SIAH3: variants seen among roughly 807,000 people sequenced by gnomAD.
SIAH3 encodes the protein siah E3 ubiquitin protein ligase family member 3.
SIAH3 carries 9 observed loss-of-function variants against 12.6 expected under a neutral mutation model. That is an observed-to-expected ratio of 0.72 (90% CI 0.43 to 1.25). SIAH3 has a LOEUF of 1.25. SIAH3 is among the 50% of genes most tolerant of loss of function. SIAH3 has a pLI of 0.00. For missense variants in SIAH3, 390 were observed against 365.4 expected (o/e 1.07, Z -0.55); for synonymous variants, 154 against 151.1 (o/e 1.02, Z -0.14).
chr13:45,807,330 C>A (rs576890570), intron 1 of SIAH3, among the ~76,000 whole-genome samples: 1 of 149,382 alleles, frequency 6.7e-6, no homozygotes, highest in African/African-American at 2.5e-5. Context: ...AATAAATGTG[C>A]AATTATAGTC....
chr13:45,835,174 T>C (rs1950713624), intron 1 of SIAH3, among the ~76,000 whole-genome samples: 3 of 152,208 alleles, frequency 2.0e-5, no homozygotes, highest in Admixed American at 2.0e-4. Context: ...CAAACCCATT[T>C]TTCAAAAAAG....
intron 1 of SIAH3, among the ~76,000 whole-genome samples, chr13:45,814,492 G>A (rs1461460097): frequency 1.3e-5 from 2 of 152,072 alleles, no homozygotes; most frequent in South Asian, 4.2e-4. Context: ...GGGAGGATGA[G>A]CAAGAGCTGG....
At chr13:45,785,740 C>G (rs980190666) in intron 1 of SIAH3, among the ~76,000 whole-genome samples, 5 of 152,166 alleles carry the variant, frequency 3.3e-5, no homozygotes, top group African/African-American at 1.2e-4. Flanking sequence ...GTGTGATCTA[C>G]AGGGGCTCTT....
chr13:45,814,294 A>G (rs941145699), intron 1 of SIAH3, among the ~76,000 whole-genome samples: 2 of 151,786 alleles, frequency 1.3e-5, no homozygotes, highest in African/African-American at 4.8e-5. Flanking sequence ...TCTATTCAAG[A>G]AGTGTTTTTG....
intron 1 of SIAH3, among the ~76,000 whole-genome samples, chr13:45,791,888 T>C (rs902023094): frequency 4.4e-4 from 67 of 152,264 alleles, no homozygotes; most frequent in Middle Eastern, 3.4e-3. Context: ...GCAGGACCCC[T>C]GAGCTAAAAA....
chr13:45,851,042 G>A (rs1024571428), intron 1 of SIAH3, among the ~76,000 whole-genome samples: 2 of 122,396 alleles, frequency 1.6e-5, no homozygotes, highest in Non-Finnish European at 3.2e-5. Context: ...CCTGTTTCAG[G>A]ATTCCTCACC....
intron 1 of SIAH3, among the ~76,000 whole-genome samples, chr13:45,800,579 A>C (rs536901215): frequency 3.6e-4 from 55 of 152,274 alleles, no homozygotes; most frequent in Non-Finnish European, 5.9e-4. Flanking sequence ...AGATGGCCCC[A>C]AAAGCAGCTT....
intron 1 of SIAH3, among the ~76,000 whole-genome samples, chr13:45,838,289 C>T (rs754269247): frequency 2.0e-5 from 3 of 152,186 alleles, no homozygotes; most frequent in Non-Finnish European, 2.9e-5. Context: ...GTGGTAAGTG[C>T]CTGGGAGCTC....
At chr13:45,829,825 T>A (rs112508799) in intron 1 of SIAH3, among the ~76,000 whole-genome samples, 125 of 152,206 alleles carry the variant, frequency 8.2e-4, no homozygotes, top group Non-Finnish European at 1.5e-3. Context: ...TCACTCCTAT[T>A]TAGGGCAGCA....
intron 1 of SIAH3, among the ~76,000 whole-genome samples, chr13:45,797,296 C>T (rs2137555607): frequency 6.6e-6 from 1 of 152,290 alleles, no homozygotes; most frequent in South Asian, 2.1e-4. Flanking sequence ...AGTCCCCAGG[C>T]TCTAGCTCAG....
chr13:45,820,926 G>A (rs1040153659), intron 1 of SIAH3, among the ~76,000 whole-genome samples: 2 of 152,048 alleles, frequency 1.3e-5, no homozygotes, highest in African/African-American at 2.4e-5. Context: ...CCCCACCTCC[G>A]TCCTCCCCAG....
chr13:45,834,696 C>G (rs1950711951), intron 1 of SIAH3, among the ~76,000 whole-genome samples: 1 of 152,144 alleles, frequency 6.6e-6, no homozygotes, highest in African/African-American at 2.4e-5. Flanking sequence ...AACCGACCTA[C>G]TGTGGGCCAG....
rs552465122 is a variant in SIAH3 at position 45,851,645 on chromosome 13, G to A, written c.-16C>T. ...AGAAAAGCATCACAACTTTTGGGGG[G>A]TTGTTGGTCCGGGAAGGCAGCGGAG... is the stretch of plus-strand genomic sequence containing the variant. On this transcript the variant is annotated 5_prime_UTR_variant, in exon 1 of 2. Transcript: ENST00000400405. 8.7e-6 allele frequency: 14 copies of A among 1,614,112 alleles called. No homozygotes were observed. The East Asian group carries it at 2.5e-4, about 28-fold the overall frequency.
chr13:45,827,398 C>T (rs903071336), intron 1 of SIAH3, among the ~76,000 whole-genome samples: 2 of 152,198 alleles, frequency 1.3e-5, no homozygotes, highest in African/African-American at 4.8e-5. Flanking sequence ...CATCTACCCC[C>T]AGGCTGTGAT....
At chr13:45,839,862 A>AT (rs1950734068) in intron 1 of SIAH3, among the ~76,000 whole-genome samples, 2 of 152,180 alleles carry the variant, frequency 1.3e-5, no homozygotes, top group South Asian at 4.2e-4. Flanking sequence ...AAAATCATTA[A>AT]TTTTTACCAA....
intron 1 of SIAH3, among the ~76,000 whole-genome samples, chr13:45,804,354 T>C (rs1304014153): frequency 6.6e-6 from 1 of 152,116 alleles, no homozygotes; most frequent in Non-Finnish European, 1.5e-5. Context: ...TCTATTTACA[T>C]GAACTGTCCA....
At chr13:45,829,723 T>G (rs2137575728) in intron 1 of SIAH3, among the ~76,000 whole-genome samples, 1 of 152,328 alleles carries the variant, frequency 6.6e-6, no homozygotes, top group East Asian at 1.9e-4. Context: ...CTCCATCAAT[T>G]AGTTTGAGGC....
At chr13:45,792,383 GT>G (rs1165270935) in intron 1 of SIAH3, among the ~76,000 whole-genome samples, 1 of 150,776 alleles carries the variant, frequency 6.6e-6, no homozygotes, top group African/African-American at 2.4e-5. Context: ...TTGAGATGGA[GT>G]TTCACTCTTA....
chr13:45,794,424 TATC>T (rs1344944901), intron 1 of SIAH3, among the ~76,000 whole-genome samples: 4 of 152,168 alleles, frequency 2.6e-5, no homozygotes, highest in Non-Finnish European at 5.9e-5. Context: ...TTATTATCAT[TATC>T]ATCATCATCA....
Sources: allele counts gnomAD v4.1 joint callset (sites outside exome capture counted in the v4.1 genomes callset), GRCh38; gene constraint gnomAD v4.1.1; transcripts MANE v1.5; gene names NCBI Gene and HGNC (gene_info 2026-07-23, HGNC 2026-07-21).